The following ATF6 variants were observed in gnomAD, a reference collection of about 807,000 sequenced individuals.
ATF6 encodes cyclic AMP-dependent transcription factor ATF-6 alpha.
Under a neutral mutation model 83.6 loss-of-function variants are expected in ATF6, and 53 were observed. The ratio of observed to expected loss-of-function variants is 0.63; its 90% CI spans 0.51 to 0.80. The LOEUF is 0.80. ATF6 is among the 30% of genes least tolerant of loss of function. ATF6 has a pLI of 0.00. For missense variants in ATF6, 744 were observed against 797.9 expected (o/e 0.93, Z 0.81); for synonymous variants, 288 against 285.8 (o/e 1.01, Z -0.08).
At chr1:161,836,820 G>A (rs1305814321) in intron 9 of ATF6, among the ~76,000 whole-genome samples, 2 of 152,150 alleles carry the variant, frequency 1.3e-5, no homozygotes, top group Non-Finnish European at 2.9e-5. Context: ...TTGTAATGAA[G>A]GGAAAGGCAG....
chr1:161,793,117 AC>A (rs1326322157), intron 6 of ATF6, among the ~76,000 whole-genome samples: 13 of 152,356 alleles, frequency 8.5e-5, no homozygotes, highest in African/African-American at 3.1e-4. Context: ...CACCAATGTT[AC>A]ATTTGTACTG....
In ATF6 at chr1:161,819,844, C is replaced by T. The variant is rs779009574; in HGVS notation, c.1095+26C>T. 10 of 1,566,694 alleles carry T rather than the reference C, an allele frequency of 6.4e-6. No individual in the cohort carries two copies. In the South Asian group the frequency reaches 8.3e-5, roughly 13 times the overall value. On this transcript the variant is annotated intron_variant, in intron 8 of 15. Coordinates refer to ENST00000367942, the MANE Select transcript of ATF6 (RefSeq NM_007348.4). The stretch of plus-strand genomic sequence containing the variant: ...GTAAGTGTTAGTAATACGGCTGAGT[C>T]GAGATGGGCTAAAGTATCCTCTGGA...
chr1:161,886,377 A>G (rs1687418713), intron 14 of ATF6, among the ~76,000 whole-genome samples: 1 of 152,232 alleles, frequency 6.6e-6, no homozygotes, highest in South Asian at 2.1e-4. Context: ...AAATACATAT[A>G]AAAACTAAAT....
At chr1:161,937,323 G>A (rs1423351459) in intron 15 of ATF6, among the ~76,000 whole-genome samples, 5 of 131,814 alleles carry the variant, frequency 3.8e-5, no homozygotes, top group African/African-American at 5.7e-5. Flanking sequence ...CAGCCTGGGC[G>A]ACAGAGTGAG....
At chr1:161,881,133 G>A (rs890895772) in intron 14 of ATF6, among the ~76,000 whole-genome samples, 1 of 152,040 alleles carries the variant, frequency 6.6e-6, no homozygotes, top group Non-Finnish European at 1.5e-5. Context: ...TGAGGATTTT[G>A]TGTGTGTGTT....
At chr1:161,813,908 G>A (rs1266762556) in intron 7 of ATF6, among the ~76,000 whole-genome samples, 1 of 149,936 alleles carries the variant, frequency 6.7e-6, no homozygotes, top group Non-Finnish European at 1.5e-5. Context: ...TTTTGAGATG[G>A]AGTTTCACTT....
chr1:161,868,253 A>G (rs963858725), intron 14 of ATF6, among the ~76,000 whole-genome samples: 2 of 152,204 alleles, frequency 1.3e-5, no homozygotes, highest in African/African-American at 4.8e-5. Context: ...GAGAATTACT[A>G]TGGCAGCTTT....
intron 15 of ATF6, 79 bp from the exon 16 acceptor site, chr1:161,958,367 G>A: frequency 7.1e-7 from 1 of 1,406,336 alleles, no homozygotes; most frequent in Non-Finnish European, 9.7e-7. Context: ...GCACATTTCT[G>A]TATTTCTGGG....
intron 15 of ATF6, among the ~76,000 whole-genome samples, chr1:161,930,952 G>T (rs1688420230): frequency 1.3e-5 from 2 of 151,952 alleles, no homozygotes; most frequent in Non-Finnish European, 2.9e-5. Flanking sequence ...GAGTGCAGTG[G>T]TGTGGTCTTG....
At chr1:161,890,981 A>G (rs1687542556) in intron 14 of ATF6, 1 of 152,228 alleles carries the variant, frequency 6.6e-6, no homozygotes, top group Admixed American at 6.5e-5. Flanking sequence ...TGCAGGGGAA[A>G]GTAGATTTGT....
At chr1:161,918,728 C>T (rs942470168) in intron 15 of ATF6, among the ~76,000 whole-genome samples, 1 of 152,134 alleles carries the variant, frequency 6.6e-6, no homozygotes, top group African/African-American at 2.4e-5. Flanking sequence ...TTACATACAA[C>T]TTGGAAACAA....
At chr1:161,847,441 T>C (rs778369310) in intron 10 of ATF6, among the ~76,000 whole-genome samples, 6 of 152,276 alleles carry the variant, frequency 3.9e-5, no homozygotes, top group Non-Finnish European at 7.4e-5. Context: ...TTAGCCTTCC[T>C]GAAAAAACTG....
chr1:161,787,604 T>C (rs1684773912), intron 4 of ATF6, among the ~76,000 whole-genome samples: 1 of 152,182 alleles, frequency 6.6e-6, no homozygotes, highest in Admixed American at 6.5e-5. Context: ...ATGGTGGTCT[T>C]GCTTTACCCC....
intron 6 of ATF6, among the ~76,000 whole-genome samples, chr1:161,794,392 C>T (rs1197066040): frequency 6.6e-6 from 1 of 152,124 alleles, no homozygotes; most frequent in Non-Finnish European, 1.5e-5. Context: ...GTAATTTCCA[C>T]AGGTTTAAGA....
chr1:161,798,691 G>C lies in ATF6; in HGVS notation c.689-3361G>C, dbSNP rs939067065. Among the ~76,000 whole-genome samples the C allele has an allele frequency of 5.9e-5, 9 of 152,206 alleles. No individual in the cohort carries two copies. The South Asian group carries it at 6.2e-4, about 11-fold the overall frequency. On this transcript the variant is annotated intron_variant, in intron 6 of 15. Transcript: ENST00000367942. ...ATAGGACAGCCTACAGAATGGGAGA[G>C]AATATTTGCAAACAGTGTATCCAAC...
At chr1:161,838,161 A>G (rs996308480) in intron 9 of ATF6, among the ~76,000 whole-genome samples, 3 of 152,256 alleles carry the variant, frequency 2.0e-5, no homozygotes, top group East Asian at 1.9e-4. Context: ...TGATGTAAGT[A>G]TAACAGAAAA....
intron 7 of ATF6, among the ~76,000 whole-genome samples, chr1:161,805,099 T>C (rs1414988704): frequency 6.6e-6 from 1 of 152,142 alleles, no homozygotes; most frequent in Non-Finnish European, 1.5e-5. Flanking sequence ...AATTGAGACT[T>C]TGTCAGCAAA....
In ATF6 at chr1:161,819,815, A is replaced by G. The variant is rs149651765; in HGVS notation, c.1092A>G (p.Ser364=). ...AGCGGCAGCTGGATGAAGTTGTGTCAGAGGTAAGTGTTAGTAATACGGCTG... is the reference window on the plus strand; with the variant it reads ...AGCGGCAGCTGGATGAAGTTGTGTCGGAGGTAAGTGTTAGTAATACGGCTG... The part of the protein sequence containing the change: ...TLKRQLDEVV[S]ENQRLKVPSP... The change falls in exon 8 of 16, where the codon TCA becomes TCG. Residue 364 remains serine, a synonymous_variant. Coordinates refer to ENST00000367942, the MANE Select transcript of ATF6 (RefSeq NM_007348.4). The G allele has an allele frequency of 3.0e-5, 48 of 1,608,954 alleles. No individual in the cohort carries two copies. In the African/African-American group the frequency reaches 4.8e-4, roughly 16 times the overall value.
intron 15 of ATF6, among the ~76,000 whole-genome samples, chr1:161,948,312 C>T (rs186302759): frequency 6.6e-5 from 10 of 152,044 alleles, no homozygotes; most frequent in Non-Finnish European, 1.3e-4. Context: ...CCAATAGTAG[C>T]GAAAGAGAAA....
Sources: allele counts gnomAD v4.1 joint callset (sites outside exome capture counted in the v4.1 genomes callset), GRCh38; gene constraint gnomAD v4.1.1; transcripts MANE v1.5; gene names NCBI Gene and HGNC (gene_info 2026-07-23, HGNC 2026-07-21).